TECPR2: variants seen among roughly 807,000 people sequenced by gnomAD.
TECPR2 encodes tectonin beta-propeller repeat containing 2.
In TECPR2, 65 loss-of-function variants were observed where a neutral mutation model predicts 138.1. The ratio of observed to expected loss-of-function variants is 0.47; its 90% confidence interval spans 0.39 to 0.58. TECPR2 has a LOEUF of 0.58. TECPR2 is among the 20% of genes least tolerant of loss of function. TECPR2 has a pLI of 0.00. For missense variants in TECPR2, 1,553 were observed against 1,824.5 expected, an observed-to-expected ratio of 0.85 and a Z score of 2.71; for synonymous variants, 746 against 749.8, an observed-to-expected ratio of 0.99 and a Z score of 0.08.
At chr14:102,461,102 G>C (rs118165340) in intron 16 of TECPR2, among the ~76,000 whole-genome samples, 4,156 of 152,164 alleles carry the variant, frequency 0.027, 78 homozygotes, top group Middle Eastern at 0.088. Context: ...TAAATTAAAT[G>C]GTTGGCTGCT....
chr14:102,485,150 G>T (rs959422042), intron 17 of TECPR2, among the ~76,000 whole-genome samples: 1 of 152,224 alleles, frequency 6.6e-6, no homozygotes, highest in African/African-American at 2.4e-5. Context: ...CACGGTTCTG[G>T]TATCACAGTC....
At position 102,414,761 on chromosome 14, in the gene TECPR2, T is replaced by C. The variant is rs140791062; in HGVS notation, c.606T>C (p.Ser202=). Residue 202 remains serine (S), a synonymous_variant, in exon 5 of 20, where the codon TCT becomes TCC. Transcript: ENST00000359520. ...TGCTCTTTTACACTGAAGAAAAGTC[T>C]GTAAGGCAAATTGGAACACAACCAA... The part of the protein sequence containing the change: ...RSLLFYTEEK[S]VRQIGTQPRK... The C allele has an allele frequency of 5.1e-4, 823 of 1,614,232 alleles. 6 individuals are homozygous for C. Among genetic ancestry groups the C allele is most frequent in the Admixed American group, 2.0e-4 (12 of 60,022 alleles).
At chr14:102,483,256 T>TTCTTGCCTTGGTGAGAACTTGCCTCATC (rs1567360422) in intron 17 of TECPR2, among the ~76,000 whole-genome samples, 1 of 152,108 alleles carries the variant, frequency 6.6e-6, no homozygotes, top group East Asian at 1.9e-4. Flanking sequence ...TACATAGTGG[T>TTCTTGCCTTGGTGAGAACTTGCCTCATC]ATGCCTTGGT....
chr14:102,365,722 C>T (rs999464567), intron 1 of TECPR2, among the ~76,000 whole-genome samples: 5 of 151,994 alleles, frequency 3.3e-5, no homozygotes, highest in Non-Finnish European at 7.4e-5. Context: ...AGAGAAGAAG[C>T]GTGTAGAGGG....
chr14:102,459,112 T>C (rs1017902554), intron 16 of TECPR2, among the ~76,000 whole-genome samples: 1 of 151,944 alleles, frequency 6.6e-6, no homozygotes, highest in Non-Finnish European at 1.5e-5. Flanking sequence ...TTTGTTTTAA[T>C]TTGGGATGGG....
rs562815509 is a variant in TECPR2 at position 102,476,441 on chromosome 14, G to T, written c.3789+11152G>T. On this transcript the variant is annotated intron_variant, in intron 17 of 19. Transcript: ENST00000359520. The stretch of plus-strand genomic sequence containing the variant: ...TGTAGGGATTAAAATTGCAATGTCT[G>T]AGCTGAAAAATATCACTGGATGAGA... Among the ~76,000 whole-genome samples the T allele has an allele frequency of 2.0e-3, 304 of 151,706 alleles. 2 individuals carry two copies. The highest frequency in any genetic ancestry group is 6.6e-3 in the African/African-American group (274 of 41,400).
At chr14:102,393,720 T>G in intron 2 of TECPR2, among the ~76,000 whole-genome samples, 1 of 152,126 alleles carries the variant, frequency 6.6e-6, no homozygotes, top group South Asian at 2.1e-4. Context: ...CACTACCACC[T>G]GGCTAATTTT....
chr14:102,443,511 G>GTT lies in TECPR2; in HGVS notation c.2753-128_2753-127dup. Reference sequence around the variant, plus strand: ...ATTTTTAATTAATTAATTAATTAAAGTTTTTTTTTAAAGCACTCATCATAA... The same window carrying GTT: ...ATTTTTAATTAATTAATTAATTAAAGTTTTTTTTTTTAAAGCACTCATCATAA... On this transcript the variant is annotated intron_variant, in intron 11 of 19. Coordinates refer to ENST00000359520, the MANE Select transcript of TECPR2 (RefSeq NM_014844.5). The surrounding 1 kb of genome is among the most constrained non-coding windows in gnomAD (Gnocchi z 4.9). 44 of 763,248 alleles carry GTT rather than the reference G, an allele frequency of 5.8e-5. No homozygotes were observed. The highest frequency in any genetic ancestry group is 6.7e-5 in the East Asian group (2 of 29,900). 47.3% of individuals were successfully genotyped at this position (763,248 alleles called of 1,614,324 possible).
intron 2 of TECPR2, among the ~76,000 whole-genome samples, chr14:102,381,029 G>A (rs1188953467): frequency 7.5e-5 from 11 of 146,774 alleles, no homozygotes; most frequent in Admixed American, 2.1e-4. Context: ...AGGCTGGAGC[G>A]TAGTGACTGC....
intron 2 of TECPR2, among the ~76,000 whole-genome samples, chr14:102,388,624 C>G (rs200670421): frequency 2.6e-5 from 4 of 151,160 alleles, no homozygotes; most frequent in Non-Finnish European, 5.9e-5. Context: ...GTCAGGAGAT[C>G]GAGACCATCC....
At chr14:102,422,965 A>G (rs1889224193) in intron 5 of TECPR2, among the ~76,000 whole-genome samples, 1 of 151,196 alleles carries the variant, frequency 6.6e-6, no homozygotes, top group Non-Finnish European at 1.5e-5. Flanking sequence ...CTGGTGTCTT[A>G]GCGCCACACA....
At chr14:102,463,693 G>A (rs1287568332) in intron 16 of TECPR2, among the ~76,000 whole-genome samples, 1 of 152,064 alleles carries the variant, frequency 6.6e-6, no homozygotes, top group African/African-American at 2.4e-5. Flanking sequence ...GGAGGCTGAG[G>A]TGGGTGGATC....
chr14:102,434,220 C>A lies in TECPR2; in HGVS notation c.1418-15C>A, dbSNP rs368355762. 5.2e-5 allele frequency: 71 copies of A among 1,354,614 alleles called. No homozygotes were observed. The highest frequency in any genetic ancestry group is 8.2e-5 in the Admixed American group (3 of 36,384). 83.9% of individuals were successfully genotyped at this position (1,354,614 alleles called of 1,614,324 possible). ...AGAACCGTGCCTTATTTTGAATGTTCTTATTCTGAATTAGAAGGTGGAAGC... is the reference window on the plus strand; with the variant it reads ...AGAACCGTGCCTTATTTTGAATGTTATTATTCTGAATTAGAAGGTGGAAGC... On this transcript the variant is annotated splice_polypyrimidine_tract_variant and intron_variant, in intron 8 of 19. Coordinates refer to ENST00000359520, the MANE Select transcript of TECPR2 (RefSeq NM_014844.5).
At chr14:102,428,450 C>A in intron 7 of TECPR2, 68 bp downstream of exon 7, 1 of 1,587,296 alleles carries the variant, frequency 6.3e-7, no homozygotes, top group East Asian at 2.3e-5. Flanking sequence ...TTTGTAATTG[C>A]AGTTAATAAT....
At position 102,417,289 on chromosome 14, in the gene TECPR2, C is replaced by T. The variant is rs545599985; in HGVS notation, c.638+2496C>T. On this transcript the variant is annotated intron_variant, in intron 5 of 19. Transcript: ENST00000359520. ...GCTTTCTGCTGTAGACTATTGTGTG[C>T]GTCTATCCCTGGAAGCAGTGCTTCC... 7.9e-5 allele frequency among the ~76,000 whole-genome samples: 12 copies of T among 152,316 alleles called. No individual in the cohort carries two copies. In the East Asian group the frequency reaches 9.6e-4, roughly 12 times the overall value.
At chr14:102,370,506 A>C (rs765585644) in intron 1 of TECPR2, among the ~76,000 whole-genome samples, 1 of 152,192 alleles carries the variant, frequency 6.6e-6, no homozygotes, top group Non-Finnish European at 1.5e-5. Flanking sequence ...TAGGGAGTAG[A>C]AGGTGTGAAG....
chr14:102,393,416 A>G (rs2139677261), intron 2 of TECPR2, among the ~76,000 whole-genome samples: 1 of 152,312 alleles, frequency 6.6e-6, no homozygotes, highest in South Asian at 2.1e-4. Flanking sequence ...ATCAATAACT[A>G]TGACATTTAT....
chr14:102,450,456 TG>T, intron 14 of TECPR2, 103 bp from the exon 15 acceptor site: 1 of 1,074,512 alleles, frequency 9.3e-7, no homozygotes, highest in Non-Finnish European at 1.4e-6. Context: ...TAGAATTATC[TG>T]GAGAAAGGGT....
At chr14:102,418,221 A>G (rs1303878960) in intron 5 of TECPR2, among the ~76,000 whole-genome samples, 1 of 152,172 alleles carries the variant, frequency 6.6e-6, no homozygotes, top group Non-Finnish European at 1.5e-5. Context: ...GAATCCACGC[A>G]GGGAATGTCT....
Sources: gnomAD v4.1 joint callset for allele counts (sites outside exome capture counted in the v4.1 genomes callset) on GRCh38, gnomAD v4.1.1 for gene constraint, Gnocchi (gnomAD v3.1) non-coding constraint, MANE v1.5 for transcripts, NCBI Gene and HGNC (gene_info 2026-07-23, HGNC 2026-07-21) for gene names.